The following ADGRL3 variants were observed in gnomAD, a reference collection of about 807,000 sequenced individuals.
ADGRL3 encodes the protein adhesion G protein-coupled receptor L3, also known as calcium-independent alpha-latrotoxin receptor 3.
In ADGRL3, 62 loss-of-function variants were observed where a neutral mutation model predicts 153.5. That is an observed-to-expected ratio of 0.40 (90% CI 0.33 to 0.50). The LOEUF (loss-of-function observed/expected upper bound fraction) is 0.50, where lower values mean the gene tolerates loss of function less well. Among genes scored for constraint, ADGRL3 ranks in the 20% least tolerant of loss-of-function variants. The pLI is 0.47. For synonymous variants in ADGRL3, 710 were observed against 672.5 expected, an observed-to-expected ratio of 1.06 and a Z score of -0.86; for missense variants, 1,641 against 1,859.4, an observed-to-expected ratio of 0.88 and a Z score of 2.16.
chr4:61,255,173 G>A (rs1057310193), intron 1 of ADGRL3, among the ~76,000 whole-genome samples: 3 of 152,086 alleles, frequency 2.0e-5, no homozygotes, highest in Non-Finnish European at 4.4e-5. Flanking sequence ...TTGATATCCC[G>A]TTGTTCTTGA....
chr4:62,077,903 T>C lies in ADGRL3; in HGVS notation c.*6995T>C, dbSNP rs1221093330. 1 of 151,960 alleles carries C rather than the reference T, an allele frequency of 6.6e-6. No homozygotes were observed. The highest frequency in any genetic ancestry group is 1.5e-5 in the Non-Finnish European group (1 of 67,890). The allele number at this position is 151,960 out of a possible 1,614,324, so 9.4% of individuals were successfully genotyped here. On this transcript the variant is annotated 3_prime_UTR_variant, in exon 27 of 27. Coordinates refer to ENST00000683033, the MANE Select transcript of ADGRL3 (RefSeq NM_001387552.1). Reference sequence around the variant, plus strand: ...TTAATGCTGACCTTTGCCTGTGAACTAGAAAATCAAGATTTGTAGAGTCAG... The same window carrying C: ...TTAATGCTGACCTTTGCCTGTGAACCAGAAAATCAAGATTTGTAGAGTCAG...
intron 1 of ADGRL3, among the ~76,000 whole-genome samples, chr4:61,365,114 T>A (rs1578447597): frequency 6.6e-6 from 1 of 152,132 alleles, no homozygotes; most frequent in South Asian, 2.1e-4. Flanking sequence ...AAAATGGTTA[T>A]GACATTACGA....
intron 19 of ADGRL3, among the ~76,000 whole-genome samples, chr4:61,985,372 ATT>A (rs1330537168): frequency 6.6e-6 from 1 of 152,034 alleles, no homozygotes. Context: ...AAAGATGCTG[ATT>A]TCTATTGAGT....
At chr4:61,660,296 T>C (rs1412740082) in intron 5 of ADGRL3, among the ~76,000 whole-genome samples, 1 of 152,192 alleles carries the variant, frequency 6.6e-6, no homozygotes, top group Non-Finnish European at 1.5e-5. Flanking sequence ...TCACAGTCCC[T>C]ATTGTTTTAC....
chr4:61,742,741 T>C (rs2096597505), intron 8 of ADGRL3, among the ~76,000 whole-genome samples: 1 of 152,166 alleles, frequency 6.6e-6, no homozygotes, highest in Non-Finnish European at 1.5e-5. Context: ...TAATTCAAGA[T>C]ACGTAAATGA....
intron 8 of ADGRL3, among the ~76,000 whole-genome samples, chr4:61,750,185 A>G (rs1265725882): frequency 3.4e-5 from 1 of 29,122 alleles, no homozygotes; most frequent in Non-Finnish European, 4.7e-5. Context: ...GGATGGTTAA[A>G]AAAAAAAAAA....
intron 6 of ADGRL3, among the ~76,000 whole-genome samples, chr4:61,682,871 A>G (rs2095366867): frequency 2.0e-5 from 3 of 152,112 alleles, no homozygotes; most frequent in South Asian, 4.1e-4. Flanking sequence ...ACTGCATACC[A>G]GGCACTATAA....
chr4:61,269,838 ATTCAG>A (rs2093059634), intron 1 of ADGRL3, among the ~76,000 whole-genome samples: 1 of 151,652 alleles, frequency 6.6e-6, no homozygotes, highest in Non-Finnish European at 1.5e-5. Context: ...AAAATACGTA[ATTCAG>A]TTTATAGATT....
intron 4 of ADGRL3, among the ~76,000 whole-genome samples, chr4:61,528,725 G>A (rs964369983): frequency 1.3e-5 from 2 of 152,086 alleles, no homozygotes; most frequent in African/African-American, 4.8e-5. Flanking sequence ...GAATCCATGA[G>A]GTGGAAGGGC....
intron 2 of ADGRL3, among the ~76,000 whole-genome samples, chr4:61,461,263 C>G (rs1479329039): frequency 6.6e-6 from 1 of 151,978 alleles, no homozygotes; most frequent in Non-Finnish European, 1.5e-5. Flanking sequence ...CAGTTAGTAC[C>G]AACAAACAGT....
At chr4:61,772,451 A>T (rs2152313461) in intron 8 of ADGRL3, among the ~76,000 whole-genome samples, 1 of 152,326 alleles carries the variant, frequency 6.6e-6, no homozygotes, top group Non-Finnish European at 1.5e-5. Context: ...GTAACCAAAG[A>T]CATTAACAAT....
chr4:61,316,485 A>G (rs1269328293), intron 1 of ADGRL3, among the ~76,000 whole-genome samples: 2 of 152,214 alleles, frequency 1.3e-5, no homozygotes, highest in Non-Finnish European at 2.9e-5. Flanking sequence ...AACCGCATTT[A>G]CTTTGACACC....
chr4:62,037,706 C>T, intron 23 of ADGRL3, 25 bp from the exon 24 acceptor site: 2 of 1,613,082 alleles, frequency 1.2e-6, no homozygotes, highest in Non-Finnish European at 8.5e-7. Context: ...TACTTGCTAA[C>T]AGAAGTTAAT....
chr4:61,532,947 G>A (rs1228422039), intron 4 of ADGRL3, among the ~76,000 whole-genome samples: 1 of 152,000 alleles, frequency 6.6e-6, no homozygotes, highest in Non-Finnish European at 1.5e-5. Flanking sequence ...ACTGGATTAT[G>A]TTCAGCTTCT....
Position 61,517,214 on chromosome 4 carries a change from C to T in ADGRL3, c.56-101C>T, listed in dbSNP as rs922235132. On this transcript the variant is annotated intron_variant, in intron 3 of 26. Coordinates refer to ENST00000683033, the MANE Select transcript of ADGRL3 (RefSeq NM_001387552.1). The stretch of plus-strand genomic sequence containing the variant: ...GTGGCTGGAGTCTTGGGCCTATAGC[C>T]GGCGGCAGAGAGCAGCCTTGGGAAT... 1.8e-4 allele frequency: 116 copies of T among 647,650 alleles called. 1 individual carries two copies. Among genetic ancestry groups the T allele is most frequent in the African/African-American group, 6.2e-4 (35 of 56,180 alleles). The allele number at this position is 647,650 out of a possible 1,614,324, so 40.1% of individuals were successfully genotyped here. A position where few individuals can be genotyped will look rare whatever the true frequency, so the allele number is the denominator to read the frequency against.
chr4:61,324,751 G>C (rs2095431877), intron 1 of ADGRL3, among the ~76,000 whole-genome samples: 1 of 152,082 alleles, frequency 6.6e-6, no homozygotes, highest in Admixed American at 6.6e-5. Flanking sequence ...GCAATTTTTA[G>C]ATTTAAGATT....
At chr4:61,515,433 A>G (rs990018080) in intron 3 of ADGRL3, among the ~76,000 whole-genome samples, 3 of 63,228 alleles carry the variant, frequency 4.7e-5, no homozygotes, top group African/African-American at 1.6e-4. Flanking sequence ...TCATATTTAT[A>G]TGGTATTTTT....
intron 19 of ADGRL3, among the ~76,000 whole-genome samples, chr4:61,987,397 A>T (rs1319698468): frequency 6.6e-6 from 1 of 151,672 alleles, no homozygotes; most frequent in Admixed American, 6.6e-5. Context: ...CTGGTCTCGA[A>T]CTCCCAACCT....
intron 5 of ADGRL3, among the ~76,000 whole-genome samples, chr4:61,668,111 G>A (rs1007630271): frequency 6.6e-6 from 1 of 152,146 alleles, no homozygotes; most frequent in African/African-American, 2.4e-5. Flanking sequence ...TTTGAGATGA[G>A]CTGATTATCT....
Sources: allele counts gnomAD v4.1 joint callset (sites outside exome capture counted in the v4.1 genomes callset), GRCh38; gene constraint gnomAD v4.1.1; transcripts MANE v1.5; gene names NCBI Gene and HGNC (gene_info 2026-07-23, HGNC 2026-07-21).